CRCP: variants seen among roughly 807,000 people sequenced by gnomAD.
CRCP encodes CGRP receptor component.
CRCP carries 18 observed loss-of-function variants against 18.5 expected under a neutral mutation model. The ratio of observed to expected loss-of-function variants is 0.97; its 90% CI spans 0.67 to 1.44. The LOEUF is 1.44. Ranked by LOEUF, CRCP falls within the 40% of genes most tolerant of loss-of-function variation. The pLI is 0.00. For missense variants in CRCP, 130 were observed against 176.4 expected (o/e 0.74, Z 1.49); for synonymous variants, 53 against 62.9 (o/e 0.84, Z 0.75).
chr7:66,134,111 C>T (rs1275889557), intron 3 of CRCP, among the ~76,000 whole-genome samples, 169 bp from the exon 4 acceptor site: 3 of 151,918 alleles, frequency 2.0e-5, no homozygotes, highest in African/African-American at 4.8e-5. Flanking sequence ...TTGGCCACCT[C>T]GGCCTCCCAA....
intron 4 of CRCP, among the ~76,000 whole-genome samples, chr7:66,143,473 G>C (rs190142362): frequency 8.6e-4 from 131 of 152,264 alleles, no homozygotes; most frequent in Admixed American, 2.7e-3. Context: ...GCACGTCCTT[G>C]TGTTGTTCCT....
Position 66,141,693 on chromosome 7 carries a change from G to A in CRCP, c.240-3750G>A, listed in dbSNP as rs573867178. On this transcript the variant is annotated intron_variant, in intron 4 of 5. Transcript: ENST00000395326. Reference sequence around the variant, plus strand: ...CAGCAGTGTCAGATGGAGTAGGACCGAGGAGCAGCCGCTGGATTTGTCCGT... The same window carrying A: ...CAGCAGTGTCAGATGGAGTAGGACCAAGGAGCAGCCGCTGGATTTGTCCGT... 7.2e-5 allele frequency among the ~76,000 whole-genome samples: 11 copies of A among 152,338 alleles called. No homozygotes were observed. In the South Asian group the frequency reaches 1.4e-3, roughly 20 times the overall value.
In CRCP at chr7:66,134,149, C is replaced by T. The variant is rs1254916024; in HGVS notation, c.145-131C>T. ...TGCTGGGATTACAGGTGTGAGCCAC[C>T]GTGCCCAGCCTCTACAGGATTTTTA... On this transcript the variant is annotated intron_variant, in intron 3 of 5. Coordinates refer to ENST00000395326, the MANE Select transcript of CRCP (RefSeq NM_014478.5). 2.9e-5 allele frequency: 20 copies of T among 689,176 alleles called. No homozygotes were observed. In the East Asian group the frequency reaches 3.5e-4, roughly 12 times the overall value. 42.7% of individuals were successfully genotyped at this position (689,176 alleles called of 1,614,324 possible).
chr7:66,150,469 A>G (rs1450668246), intron 5 of CRCP, among the ~76,000 whole-genome samples: 1 of 151,768 alleles, frequency 6.6e-6, no homozygotes, highest in Admixed American at 6.6e-5. Context: ...AGTAGCCCCC[A>G]TTGATTCACT....
chr7:66,150,723 A>T (rs1788432714), intron 5 of CRCP: 1 of 151,956 alleles, frequency 6.6e-6, no homozygotes, highest in Non-Finnish European at 1.5e-5. Context: ...TTCTTTCTGG[A>T]ACTCCCTGTG....
intron 4 of CRCP, among the ~76,000 whole-genome samples, chr7:66,144,075 A>C (rs1395993376): frequency 1.3e-5 from 2 of 152,196 alleles, no homozygotes; most frequent in Non-Finnish European, 2.9e-5. Flanking sequence ...AAAGATGGAT[A>C]TGCAGCCCCA....
Position 66,117,225 on chromosome 7 carries a change from T to C in CRCP, c.8+2255T>C, listed in dbSNP as rs2115840476. Among the ~76,000 whole-genome samples, 2 of 152,244 alleles carry C rather than the reference T, an allele frequency of 1.3e-5. 1 individual carries two copies. The highest frequency in any genetic ancestry group is 4.8e-5 in the African/African-American group (2 of 41,564). ...TCAGCAGTGGTTAATACAGAAACTC[T>C]AGAAACTTTCCTTTTCTTGTGATGT... On this transcript the variant is annotated intron_variant, in intron 1 of 5. Coordinates refer to ENST00000395326, the MANE Select transcript of CRCP (RefSeq NM_014478.5).
chr7:66,147,560 TG>T (rs1788336252), intron 5 of CRCP, among the ~76,000 whole-genome samples: 1 of 152,174 alleles, frequency 6.6e-6, no homozygotes, highest in African/African-American at 2.4e-5. Flanking sequence ...TTGTGCTTGA[TG>T]AGAAGAAAGA....
At chr7:66,122,836 A>G (rs1344950298) in intron 1 of CRCP, among the ~76,000 whole-genome samples, 8 of 152,232 alleles carry the variant, frequency 5.3e-5, no homozygotes, top group Admixed American at 3.3e-4. Context: ...ATGTTCTCAC[A>G]TGGTCTCTCC....
At chr7:66,134,488 A>T in intron 4 of CRCP, 114 bp downstream of exon 4, 1 of 721,944 alleles carries the variant, frequency 1.4e-6, no homozygotes, top group Non-Finnish European at 2.4e-6. Flanking sequence ...GAAGGATTAT[A>T]GTATTGGAGA....
chr7:66,127,575 C>A, intron 1 of CRCP, 129 bp from the exon 2 acceptor site: 3 of 996,200 alleles, frequency 3.0e-6, no homozygotes, highest in Non-Finnish European at 4.6e-6. Context: ...TTCTCAGTTT[C>A]AATTTTAGGT....
At chr7:66,139,609 A>G (rs1261215430) in intron 4 of CRCP, among the ~76,000 whole-genome samples, 1 of 152,220 alleles carries the variant, frequency 6.6e-6, no homozygotes, top group Non-Finnish European at 1.5e-5. Context: ...GGAGGCTGTC[A>G]ATCCAATTAG....
chr7:66,128,016 T>C (rs2115911152), intron 2 of CRCP, among the ~76,000 whole-genome samples: 1 of 150,878 alleles, frequency 6.6e-6, no homozygotes, highest in Admixed American at 6.6e-5. Context: ...GGATCCCAGC[T>C]GAGGCAGGAG....
intron 2 of CRCP, among the ~76,000 whole-genome samples, chr7:66,129,911 T>A (rs1448156098): frequency 6.6e-6 from 1 of 152,058 alleles, no homozygotes; most frequent in Non-Finnish European, 1.5e-5. Flanking sequence ...GAGACTAAGA[T>A]TCCCCCCTGC....
chr7:66,133,698 T>G (rs1787881275), intron 3 of CRCP, among the ~76,000 whole-genome samples: 1 of 148,438 alleles, frequency 6.7e-6, no homozygotes, highest in African/African-American at 2.5e-5. Context: ...GATTGAGGGT[T>G]TTTTTTTTTT....
intron 1 of CRCP, among the ~76,000 whole-genome samples, chr7:66,122,109 C>T (rs1205550608): frequency 6.6e-6 from 1 of 152,184 alleles, no homozygotes; most frequent in Non-Finnish European, 1.5e-5. Context: ...GGCACAGTGG[C>T]TCACGCCTGT....
chr7:66,118,370 G>T (rs1477799384), intron 1 of CRCP, among the ~76,000 whole-genome samples: 1 of 152,176 alleles, frequency 6.6e-6, no homozygotes, highest in South Asian at 2.1e-4. Context: ...ATAGTACCTT[G>T]ATTTACTTTC....
chr7:66,125,187 G>A (rs963770748), intron 1 of CRCP, among the ~76,000 whole-genome samples: 3 of 149,250 alleles, frequency 2.0e-5, no homozygotes, highest in African/African-American at 4.8e-5. Flanking sequence ...TTTCTCATGC[G>A]TCACATCATT....
chr7:66,135,527 T>C (rs896386905), intron 4 of CRCP, among the ~76,000 whole-genome samples: 2 of 152,236 alleles, frequency 1.3e-5, no homozygotes, highest in African/African-American at 4.8e-5. Context: ...TTATCTTTTT[T>C]TTCAAAATTA....
Sources: allele counts gnomAD v4.1 joint callset (sites outside exome capture counted in the v4.1 genomes callset), GRCh38; gene constraint gnomAD v4.1.1; transcripts MANE v1.5; gene names NCBI Gene and HGNC (gene_info 2026-07-23, HGNC 2026-07-21).